Variants in PCDHA4 observed in about 807,000 individuals in gnomAD.
PCDHA4 encodes protocadherin alpha-4.
In PCDHA4, 49 loss-of-function variants were observed where a neutral mutation model predicts 61.4. That is an observed-to-expected ratio of 0.80 (90% CI 0.63 to 1.01). The LOEUF (loss-of-function observed/expected upper bound fraction) is 1.01, where lower values mean the gene tolerates loss of function less well. Among genes scored for constraint, PCDHA4 ranks in the 50% least tolerant of loss-of-function variants. The pLI is 0.00. For missense variants in PCDHA4, 1,254 were observed against 1,235.8 expected, an observed-to-expected ratio of 1.01 and a Z score of -0.22; for synonymous variants, 590 against 550.3, an observed-to-expected ratio of 1.07 and a Z score of -1.01.
At chr5:140,841,949 T>A in intron 1 of PCDHA4, 2 of 1,613,920 alleles carry the variant, frequency 1.2e-6, no homozygotes, top group Non-Finnish European at 1.7e-6. Context: ...TGCGCACCAC[T>A]TATTCCTGAC....
intron 1 of PCDHA4, chr5:140,871,453 G>A (rs1554165628): frequency 6.2e-7 from 1 of 1,607,586 alleles, no homozygotes; most frequent in Non-Finnish European, 8.5e-7. Flanking sequence ...TAAAGAGGAG[G>A]AAGGGGAAAG....
chr5:140,975,380 G>A (rs1554236775), intron 1 of PCDHA4, among the ~76,000 whole-genome samples: 2 of 152,220 alleles, frequency 1.3e-5, no homozygotes, highest in African/African-American at 4.8e-5. Flanking sequence ...GTAATCATGG[G>A]AATAAGATCC....
chr5:140,882,985 C>T (rs1554176359), intron 1 of PCDHA4: 14 of 1,614,110 alleles, frequency 8.7e-6, no homozygotes, highest in Non-Finnish European at 1.1e-5. Flanking sequence ...ATGACAACGC[C>T]CCGGAATTTT....
In PCDHA4 at chr5:140,829,518, C is replaced by A. The variant is rs2150169254; in HGVS notation, c.2385+19946C>A. On this transcript the variant is annotated intron_variant, in intron 1 of 3. Coordinates refer to ENST00000530339, the MANE Select transcript of PCDHA4 (RefSeq NM_018907.4). ...AACCCGCCGGGCTGCCACATCTTCA[C>A]GGTGTCTGCGCGAGACGCGGACGCG... 5.0e-6 allele frequency: 8 copies of A among 1,613,400 alleles called. No individual in the cohort carries two copies. The Admixed American group carries it at 1.0e-4, about 20-fold the overall frequency.
At chr5:140,852,582 AT>A (rs2150518947) in intron 1 of PCDHA4, 40,508 of 639,920 alleles carry the variant, frequency 0.063, 8 homozygotes, top group South Asian at 0.073. Flanking sequence ...AGGCTTTTTT[AT>A]TTTTTTTTTT....
intron 1 of PCDHA4, chr5:140,823,290 T>C (rs1767640734): frequency 9.9e-6 from 16 of 1,611,998 alleles, no homozygotes; most frequent in Non-Finnish European, 1.2e-5. Context: ...CGCTGTCGAG[T>C]TACGTTTCGG....
At chr5:140,881,729 A>G (rs2058810929) in intron 1 of PCDHA4, among the ~76,000 whole-genome samples, 1 of 152,206 alleles carries the variant, frequency 6.6e-6, no homozygotes. Flanking sequence ...CTTGAAAAAT[A>G]TTACAGGAAG....
intron 1 of PCDHA4, among the ~76,000 whole-genome samples, chr5:140,887,345 C>A (rs1286436995): frequency 6.6e-6 from 1 of 152,140 alleles, no homozygotes; most frequent in Non-Finnish European, 1.5e-5. Context: ...ATCCACCTGG[C>A]TCGGCCTCCC....
intron 1 of PCDHA4, chr5:140,876,095 T>G (rs781801828): frequency 6.2e-7 from 1 of 1,613,928 alleles, no homozygotes; most frequent in Admixed American, 1.7e-5. Context: ...ACGCCAAAAC[T>G]CAATTTATTG....
chr5:140,831,301 T>C (rs2150193400), intron 1 of PCDHA4: 1 of 152,322 alleles, frequency 6.6e-6, no homozygotes, highest in African/African-American at 2.4e-5. Context: ...TCTAAATCTA[T>C]TTCTTTGTAT....
At chr5:140,914,973 G>A (rs1166162661) in intron 1 of PCDHA4, among the ~76,000 whole-genome samples, 2 of 140,450 alleles carry the variant, frequency 1.4e-5, no homozygotes, top group Non-Finnish European at 3.0e-5. Context: ...CTGAGTCAGA[G>A]TCTTGCTCTG....
chr5:140,836,543 G>A lies in PCDHA4; in HGVS notation c.2385+26971G>A, dbSNP rs1209808083. On this transcript the variant is annotated intron_variant, in intron 1 of 3. Coordinates refer to ENST00000530339, the MANE Select transcript of PCDHA4 (RefSeq NM_018907.4). ...TGCTTACCCTGCTGCTGTACACGGC[G>A]TTGCGGTGCTCAGCGCCGTCCTCTG... 3 of 1,613,702 alleles carry A rather than the reference G, an allele frequency of 1.9e-6. No homozygotes were observed. The African/African-American group carries it at 4.0e-5, about 22-fold the overall frequency.
chr5:140,836,692 T>C (rs1554136233), intron 1 of PCDHA4: 3 of 1,613,418 alleles, frequency 1.9e-6, no homozygotes, highest in Non-Finnish European at 2.5e-6. Flanking sequence ...ACAGACCTCA[T>C]GGCCTTCAGT....
In PCDHA4 at chr5:140,807,082, G is replaced by A. The variant is rs1763843057; in HGVS notation, c.-106G>A. The A allele has an allele frequency of 1.3e-5, 16 of 1,269,970 alleles. No individual in the cohort carries two copies. Among genetic ancestry groups the A allele is most frequent in the Non-Finnish European group, 1.4e-5 (13 of 908,038 alleles). The allele number at this position is 1,269,970 out of a possible 1,614,324, so 78.7% of individuals were successfully genotyped here. A position where few individuals can be genotyped will look rare whatever the true frequency, so the allele number is the denominator to read the frequency against. ...TGGAAGGAACCATATACACTCTTTG[G>A]AGTCTGAAATATGGAGGATGCAGCT... On this transcript the variant is annotated 5_prime_UTR_variant, in exon 1 of 4. Coordinates refer to ENST00000530339, the MANE Select transcript of PCDHA4 (RefSeq NM_018907.4).
Position 140,851,965 on chromosome 5 carries a change from A to G in PCDHA4, c.2385+42393A>G, listed in dbSNP as rs564952826. On this transcript the variant is annotated intron_variant, in intron 1 of 3. Transcript: ENST00000530339. Reference sequence around the variant, plus strand: ...GTGACTTTCAAAATGGTGGTTTTCCACACTCTACCTTTAGTGCAAGCTATT... The same window carrying G: ...GTGACTTTCAAAATGGTGGTTTTCCGCACTCTACCTTTAGTGCAAGCTATT... 95 of 976,702 alleles carry G rather than the reference A, an allele frequency of 9.7e-5. 6 individuals are homozygous for G. The highest frequency in any genetic ancestry group is 1.2e-4 in the Non-Finnish European group (95 of 809,234). 60.5% of individuals were successfully genotyped at this position (976,702 alleles called of 1,614,324 possible).
At chr5:140,906,829 C>T (rs2072974984) in intron 1 of PCDHA4, among the ~76,000 whole-genome samples, 1 of 152,244 alleles carries the variant, frequency 6.6e-6, no homozygotes, top group Non-Finnish European at 1.5e-5. Context: ...GAGTAGTAGA[C>T]TGATTTCATC....
chr5:140,858,511 GTA>G (rs1554151718), intron 1 of PCDHA4: 1 of 1,433,712 alleles, frequency 7.0e-7, no homozygotes, highest in Admixed American at 2.0e-5. Flanking sequence ...TCTCAAATAT[GTA>G]TCAGAATATT....
intron 1 of PCDHA4, among the ~76,000 whole-genome samples, chr5:140,938,125 A>T (rs1339364898): frequency 6.6e-6 from 1 of 152,120 alleles, no homozygotes; most frequent in Non-Finnish European, 1.5e-5. Context: ...TTTTTTAAAA[A>T]AATAGAGATA....
intron 1 of PCDHA4, among the ~76,000 whole-genome samples, chr5:140,840,696 C>T (rs2150308917): frequency 6.6e-6 from 1 of 152,100 alleles, no homozygotes; most frequent in Admixed American, 6.5e-5. Flanking sequence ...TAAAACGGTT[C>T]AGGCAATTTG....
Sources: allele counts gnomAD v4.1 joint callset (sites outside exome capture counted in the v4.1 genomes callset), GRCh38; gene constraint gnomAD v4.1.1; transcripts MANE v1.5; gene names NCBI Gene and HGNC (gene_info 2026-07-23, HGNC 2026-07-21).